Variants in GRM4 observed in about 807,000 individuals in gnomAD.
The protein encoded by GRM4 is metabotropic glutamate receptor 4.
In GRM4, 28 loss-of-function variants were observed where a neutral mutation model predicts 81.7. The ratio of observed to expected loss-of-function variants is 0.34; its 90% CI spans 0.25 to 0.47. GRM4 has a LOEUF of 0.47. Ranked by LOEUF, GRM4 falls within the 20% of genes least tolerant of loss-of-function variation. The pLI, the probability that GRM4 is intolerant of heterozygous loss-of-function variation, is 1.00. For missense variants in GRM4, 948 were observed against 1,290.0 expected (o/e 0.73, Z 4.06); for synonymous variants, 488 against 528.8 (o/e 0.92, Z 1.06).
At position 34,069,647 on chromosome 6, in the gene GRM4, A is replaced by AGTGTGTGTGTGTGTGTGTGT. The variant is rs3222082; in HGVS notation, c.737-7639_737-7620dup. ...GGCTTTACAACCCTTGGCAGCCCCC[A>AGTGTGTGTGTGTGTGTGTGT]GTGTGTGTGTGTGTGTGTGTGTGTG... On this transcript the variant is annotated intron_variant, in intron 3 of 10. Transcript: ENST00000538487. The surrounding 1 kb of genome is among the most constrained non-coding windows in gnomAD (Gnocchi z 6.4). 9.0e-5 allele frequency among the ~76,000 whole-genome samples: 13 copies of AGTGTGTGTGTGTGTGTGTGT among 144,498 alleles called. No homozygotes were observed. Among genetic ancestry groups the AGTGTGTGTGTGTGTGTGTGT allele is most frequent in the African/African-American group, 3.2e-4 (13 of 40,486 alleles). 94.8% of individuals were successfully genotyped at this position (144,498 alleles called of 152,430 possible).
intron 4 of GRM4, chr6:34,061,219 G>A (rs1766162366): frequency 6.6e-6 from 1 of 152,204 alleles, no homozygotes; most frequent in Non-Finnish European, 1.5e-5. Context: ...AGGGACTAGA[G>A]GGCCCTGCCA....
chr6:34,130,690 A>G lies in GRM4; in HGVS notation c.519+2288T>C, dbSNP rs1770199318. ...AGTGACCATTCCTTGAGCCTTCGCC[A>G]TGTACCAAGTGATGGGGCACTCTCA... On this transcript the variant is annotated intron_variant, in intron 2 of 10. Transcript: ENST00000538487. This position sits in a 1 kb window ranked among gnomAD's most constrained non-coding sequence, Gnocchi z 4.1. Among the ~76,000 whole-genome samples, 1 of 152,160 alleles carries G rather than the reference A, an allele frequency of 6.6e-6. No individual in the cohort carries two copies. The highest frequency in any genetic ancestry group is 6.5e-5 in the Admixed American group (1 of 15,276).
intron 10 of GRM4, 29 bp downstream of exon 10, chr6:34,028,091 G>A (rs774538747): frequency 1.4e-5 from 22 of 1,593,682 alleles, no homozygotes; most frequent in Admixed American, 3.4e-5. Flanking sequence ...CCTGGGGCCC[G>A]AGAGGGCAGA....
At position 34,066,939 on chromosome 6, in the gene GRM4, G is replaced by A. The variant is rs1766497152; in HGVS notation, c.737-4911C>T. On this transcript the variant is annotated intron_variant, in intron 3 of 10. Transcript: ENST00000538487. ...GTTCATCTGTGAAATGGGCTGCATA[G>A]CCGCAGCTAGCCCAGGGGCTTCCAT... Among the ~76,000 whole-genome samples the A allele has an allele frequency of 2.0e-5, 3 of 152,120 alleles. No homozygotes were observed. The South Asian group carries it at 6.2e-4, about 31-fold the overall frequency.
chr6:34,140,510 C>G (rs1326409208), intron 1 of GRM4, among the ~76,000 whole-genome samples: 1 of 152,188 alleles, frequency 6.6e-6, no homozygotes, highest in Admixed American at 6.5e-5. Flanking sequence ...CAGCTCACAG[C>G]AGCAAGTCCC....
chr6:34,129,117 T>C (rs1770139477), intron 2 of GRM4, among the ~76,000 whole-genome samples: 1 of 151,772 alleles, frequency 6.6e-6, no homozygotes, highest in Admixed American at 6.6e-5. Flanking sequence ...CGGGCTCAAG[T>C]GATTCTCCTG....
intron 9 of GRM4, among the ~76,000 whole-genome samples, chr6:34,032,214 T>C (rs3778045): frequency 0.14 from 20,896 of 151,900 alleles, 1,686 homozygotes; most frequent in East Asian, 0.36. Context: ...CCCCGCTTAA[T>C]CTGCATGCAC....
At chr6:34,150,983 C>T (rs1771033212), upstream of GRM4, among the ~76,000 whole-genome samples, 1 of 152,190 alleles carries the variant, frequency 6.6e-6, no homozygotes, top group South Asian at 2.1e-4. Context: ...AAGCAGAGGA[C>T]GCAGGCACAG....
rs151231994 is a variant in GRM4 at position 34,113,019 on chromosome 6, G to C, written c.519+19959C>G. ...CCCTTTGGTCATTCCCTCTGGGTTT[G>C]AAAATTGCAATAATAATGACCTTCC... On this transcript the variant is annotated intron_variant, in intron 2 of 10. Transcript: ENST00000538487. Among the ~76,000 whole-genome samples, 430 of 152,266 alleles carry C rather than the reference G, an allele frequency of 2.8e-3. 2 individuals are homozygous for C. The highest frequency in any genetic ancestry group is 0.01 in the East Asian group (54 of 5,176).
upstream of GRM4, among the ~76,000 whole-genome samples, chr6:34,149,290 G>A (rs1056180009): frequency 6.6e-6 from 1 of 152,190 alleles, no homozygotes; most frequent in Admixed American, 6.5e-5. Flanking sequence ...CTTCCGTGTT[G>A]AGCTGACCCA....
chr6:34,102,081 C>T (rs1230930575), intron 2 of GRM4: 26 of 1,535,382 alleles, frequency 1.7e-5, no homozygotes, highest in Non-Finnish European at 1.7e-5. Flanking sequence ...TTTCTCTTGG[C>T]GCCATCATGG....
intron 2 of GRM4, among the ~76,000 whole-genome samples, chr6:34,128,613 A>G (rs2127508615): frequency 6.6e-6 from 1 of 151,990 alleles, no homozygotes; most frequent in South Asian, 2.1e-4. Context: ...CCTGACCTCA[A>G]GTGATCTGCC....
intron 6 of GRM4, chr6:34,054,150 C>G (rs1765746815): frequency 6.6e-6 from 1 of 150,704 alleles, no homozygotes; most frequent in Admixed American, 6.6e-5. Flanking sequence ...CATGGGAAAG[C>G]TCTGTGCTCT....
upstream of GRM4, among the ~76,000 whole-genome samples, chr6:34,150,884 G>A (rs28696684): frequency 0.073 from 11,053 of 152,250 alleles, 1,110 homozygotes; most frequent in African/African-American, 0.22. Flanking sequence ...GGTGGGATTC[G>A]GGACTGCGCC....
chr6:34,149,140 C>A (rs982467269), upstream of GRM4, among the ~76,000 whole-genome samples: 1 of 152,290 alleles, frequency 6.6e-6, no homozygotes. Context: ...GCAACTCCCC[C>A]CCAACCTTTT....
intron 2 of GRM4, among the ~76,000 whole-genome samples, chr6:34,113,097 C>A (rs527241262): frequency 2.8e-4 from 43 of 152,068 alleles, no homozygotes; most frequent in African/African-American, 8.9e-4. Flanking sequence ...TCCTCCCTTC[C>A]CTTTCTTCTT....
upstream of GRM4, among the ~76,000 whole-genome samples, chr6:34,149,140 C>CCCCA (rs199740224): frequency 9.0e-3 from 1,370 of 152,288 alleles, 17 homozygotes; most frequent in African/African-American, 0.023. Context: ...GCAACTCCCC[C>CCCCA]CCAACCTTTT....
chr6:34,040,399 CA>C, intron 7 of GRM4, 85 bp from the exon 8 acceptor site: 1 of 1,489,948 alleles, frequency 6.7e-7, no homozygotes, highest in Non-Finnish European at 9.3e-7. Flanking sequence ...CTCTCTGACA[CA>C]CCCATTCATG....
At chr6:34,084,929 C>T (rs1767807667) in intron 3 of GRM4, among the ~76,000 whole-genome samples, 1 of 152,216 alleles carries the variant, frequency 6.6e-6, no homozygotes, top group Non-Finnish European at 1.5e-5. Flanking sequence ...CACATCACCA[C>T]ATCCCTTTTT....
Sources: allele counts gnomAD v4.1 joint callset (sites outside exome capture counted in the v4.1 genomes callset), GRCh38; gene constraint gnomAD v4.1.1; non-coding constraint Gnocchi (gnomAD v3.1); transcripts MANE v1.5; gene names NCBI Gene and HGNC (gene_info 2026-07-23, HGNC 2026-07-21).